HACD4: variants seen among roughly 807,000 people sequenced by gnomAD.
HACD4 encodes very-long-chain (3R)-3-hydroxyacyl-CoA dehydratase 4.
A neutral mutation model predicts 33.3 loss-of-function variants in HACD4; 35 were observed. That is an observed-to-expected ratio of 1.05 (90% CI 0.80 to 1.39). The LOEUF (loss-of-function observed/expected upper bound fraction) is 1.39, where lower values mean the gene tolerates loss of function less well. HACD4 is among the 40% of genes most tolerant of loss of function. The pLI is 0.00. For missense variants in HACD4, 323 were observed against 276.5 expected (o/e 1.17, Z -1.19); for synonymous variants, 118 against 98.0 (o/e 1.20, Z -1.21).
At chr9:21,021,589 A>G (rs1477738263) in intron 3 of HACD4, among the ~76,000 whole-genome samples, 1 of 152,162 alleles carries the variant, frequency 6.6e-6, no homozygotes, top group African/African-American at 2.4e-5. Flanking sequence ...CCAATAACAG[A>G]CAAACAGAGA....
intron 3 of HACD4, among the ~76,000 whole-genome samples, chr9:21,019,853 T>A (rs1817859979): frequency 8.8e-6 from 1 of 114,186 alleles, no homozygotes; most frequent in African/African-American, 2.9e-5. Context: ...TCTATGTGAT[T>A]TTAATGGAAA....
At chr9:21,008,198 G>A (rs751631442) in intron 5 of HACD4, 52 bp from the exon 6 acceptor site, 3 of 1,516,052 alleles carry the variant, frequency 2.0e-6, no homozygotes, top group Non-Finnish European at 2.7e-6. Context: ...GTTGTTACAG[G>A]GATGTGTATA....
At chr9:21,007,703 CT>C (rs1210840343) in intron 6 of HACD4, among the ~76,000 whole-genome samples, 1 of 152,140 alleles carries the variant, frequency 6.6e-6, no homozygotes, top group Non-Finnish European at 1.5e-5. Context: ...GCCAATTCTT[CT>C]TAGTTTGACA....
intron 4 of HACD4, among the ~76,000 whole-genome samples, chr9:21,014,553 G>A (rs1410444138): frequency 6.6e-6 from 1 of 152,150 alleles, no homozygotes; most frequent in Non-Finnish European, 1.5e-5. Context: ...CAGGGGCTGA[G>A]GGAAAGAGGG....
rs1587830631 is a variant in HACD4 at position 21,015,690 on chromosome 9, C to T, written c.383+208G>A. 23 of 417,620 alleles carry T rather than the reference C, an allele frequency of 5.5e-5. No homozygotes were observed. In the East Asian group the frequency reaches 8.8e-4, roughly 16 times the overall value. The allele number at this position is 417,620 out of a possible 1,614,324, so 25.9% of individuals were successfully genotyped here. ...GCAGAAACCTGAATGTGCTGATTTACTCTTGTAATACCACGGTAGGTTTTC... is the reference window on the plus strand; with the variant it reads ...GCAGAAACCTGAATGTGCTGATTTATTCTTGTAATACCACGGTAGGTTTTC... On this transcript the variant is annotated intron_variant, in intron 4 of 6. Coordinates refer to ENST00000495827, the MANE Select transcript of HACD4 (RefSeq NM_001010915.5).
At chr9:21,016,766 A>G (rs1380611918) in intron 3 of HACD4, among the ~76,000 whole-genome samples, 1 of 147,852 alleles carries the variant, frequency 6.8e-6, no homozygotes, top group Non-Finnish European at 1.5e-5. Context: ...GTTCCATCCA[A>G]TAGAGAAACT....
In HACD4 at chr9:21,001,314, G is replaced by T. The variant is rs1842163269; in HGVS notation, c.*5723C>A. 1 of 151,994 alleles carries T rather than the reference G, an allele frequency of 6.6e-6. No individual in the cohort carries two copies. The allele number at this position is 151,994 out of a possible 1,614,324, so 9.4% of individuals were successfully genotyped here. On this transcript the variant is annotated 3_prime_UTR_variant, in exon 7 of 7. Transcript: ENST00000495827. ...AATTGAAATGAAAAACTCACTAGAG[G>T]TATTCAAAGGCAGATTTGGGCAGCA...
rs183951861 is a variant in HACD4, at chr9:21,012,227, C to T, written c.384-532G>A. Among the ~76,000 whole-genome samples the T allele has an allele frequency of 4.3e-4, 66 of 152,270 alleles. 1 individual carries two copies. Among genetic ancestry groups the T allele is most frequent in the African/African-American group, 1.5e-3 (64 of 41,554 alleles). ...CCACTGTGATGTAAAAAGTAGTCTA[C>T]GTTGTGTTTTATTTCTTTGAATAGG... On this transcript the variant is annotated intron_variant, in intron 4 of 6. Transcript: ENST00000495827.
intron 5 of HACD4, among the ~76,000 whole-genome samples, chr9:21,008,544 A>G (rs1174746798): frequency 2.0e-5 from 3 of 152,156 alleles, no homozygotes; most frequent in Non-Finnish European, 4.4e-5. Context: ...ACATATTAAC[A>G]TTGTGAGAAA....
At chr9:21,023,018 C>T (rs1817962955) in intron 3 of HACD4, among the ~76,000 whole-genome samples, 1 of 152,162 alleles carries the variant, frequency 6.6e-6, no homozygotes, top group Non-Finnish European at 1.5e-5. Context: ...CACATATACA[C>T]CACCGAATAC....
chr9:21,011,445 A>G (rs575916838), intron 5 of HACD4, 144 bp downstream of exon 5: 1 of 644,612 alleles, frequency 1.6e-6, no homozygotes, highest in African/African-American at 1.9e-5. Flanking sequence ...GCCTCTTTGC[A>G]TCAAGGGAAA....
chr9:21,020,508 T>C (rs1328960398), intron 3 of HACD4, among the ~76,000 whole-genome samples: 3 of 152,204 alleles, frequency 2.0e-5, no homozygotes, highest in Non-Finnish European at 4.4e-5. Context: ...TCAGGCTTGA[T>C]AGTGTTTCTG....
chr9:21,022,331 CT>C (rs1302839455), intron 3 of HACD4, among the ~76,000 whole-genome samples: 1 of 152,120 alleles, frequency 6.6e-6, no homozygotes, highest in East Asian at 1.9e-4. Flanking sequence ...GACTTCATGA[CT>C]AAAACACCAA....
chr9:21,010,004 TC>T (rs1842372755), intron 5 of HACD4, among the ~76,000 whole-genome samples: 1 of 152,204 alleles, frequency 6.6e-6, no homozygotes, highest in Admixed American at 6.5e-5. Flanking sequence ...ATTTAGAAAT[TC>T]TAACATGATT....
At chr9:21,022,822 G>C (rs1416199325) in intron 3 of HACD4, among the ~76,000 whole-genome samples, 3 of 152,072 alleles carry the variant, frequency 2.0e-5, no homozygotes, top group Middle Eastern at 3.4e-3. Context: ...ATTCCTCAAG[G>C]ATCTAGAACT....
chr9:21,028,964 A>G (rs1363604800), intron 2 of HACD4, among the ~76,000 whole-genome samples: 1 of 152,232 alleles, frequency 6.6e-6, no homozygotes, highest in Non-Finnish European at 1.5e-5. Flanking sequence ...TCTCTGCATA[A>G]AATGTTATGC....
In HACD4 at chr9:21,011,796, G is replaced by A. The variant is rs964409226; in HGVS notation, c.384-101C>T. On this transcript the variant is annotated intron_variant, in intron 4 of 6. Transcript: ENST00000495827. ...AAATACAGAGATACAACTGGAAAGT[G>A]TACAAATTGTATATTTTATTTCCTA... The A allele has an allele frequency of 4.8e-6, 3 of 620,796 alleles. No individual in the cohort carries two copies. The African/African-American group carries it at 5.6e-5, about 12-fold the overall frequency. 38.5% of individuals were successfully genotyped at this position (620,796 alleles called of 1,614,324 possible).
chr9:21,001,256 C>G lies in HACD4; in HGVS notation c.*5781G>C. On this transcript the variant is annotated 3_prime_UTR_variant, in exon 7 of 7. Transcript: ENST00000495827. ...AATATAGAGAAAATCTAAGACGATA[C>G]AAAAAAGAAATTCAAGAGCTGGAAA... 1 of 151,304 alleles carries G rather than the reference C, an allele frequency of 6.6e-6. No homozygotes were observed. Among genetic ancestry groups the G allele is most frequent in the East Asian group, 1.9e-4 (1 of 5,180 alleles). The allele number at this position is 151,304 out of a possible 1,614,324, so 9.4% of individuals were successfully genotyped here.
At position 21,000,303 on chromosome 9, in the gene HACD4, T is replaced by C. The variant is rs1842147808; in HGVS notation, c.*6734A>G. ...TGTTCAGAACTACTATTTAAGGATT[T>C]TTAAAGCCATAAAAAATCATCCCTG... On this transcript the variant is annotated 3_prime_UTR_variant, in exon 7 of 7. Coordinates refer to ENST00000495827, the MANE Select transcript of HACD4 (RefSeq NM_001010915.5). 6.6e-6 allele frequency: 1 copy of C among 152,220 alleles called. No homozygotes were observed. Among genetic ancestry groups the C allele is most frequent in the Non-Finnish European group, 1.5e-5 (1 of 68,022 alleles). The allele number at this position is 152,220 out of a possible 1,614,324, so 9.4% of individuals were successfully genotyped here.
Sources: gnomAD v4.1 joint callset for allele counts (sites outside exome capture counted in the v4.1 genomes callset) on GRCh38, gnomAD v4.1.1 for gene constraint, MANE v1.5 for transcripts, NCBI Gene and HGNC (gene_info 2026-07-23, HGNC 2026-07-21) for gene names.